Variants in SGCD observed in about 807,000 individuals in gnomAD.
The protein encoded by SGCD is sarcoglycan delta.
Under a neutral mutation model 36.6 loss-of-function variants are expected in SGCD, and 18 were observed. The observed-to-expected ratio is 0.49, with a 90% CI of 0.34 to 0.73. SGCD has a LOEUF of 0.73. SGCD is among the 30% of genes least tolerant of loss of function. The probability of loss-of-function intolerance (pLI) is 0.01; values close to 1 mark genes in which losing one functional copy is unlikely to be tolerated. For missense variants in SGCD, 387 were observed against 346.7 expected (o/e 1.12, Z -0.92); for synonymous variants, 133 against 130.6 (o/e 1.02, Z -0.12).
At chr5:156,015,202 G>T (rs192572081) in intron 1 of SGCD, among the ~76,000 whole-genome samples, 1 of 152,028 alleles carries the variant, frequency 6.6e-6, no homozygotes, top group African/African-American at 2.4e-5. Context: ...TAAGGAAAAG[G>T]CCTCCCTTTC....
chr5:156,434,094 A>G (rs554044800), intron 3 of SGCD, among the ~76,000 whole-genome samples: 4 of 152,346 alleles, frequency 2.6e-5, no homozygotes, highest in African/African-American at 9.6e-5. Flanking sequence ...CCTGCAGCTG[A>G]GGATACCATC....
the SGCD span, among the ~76,000 whole-genome samples, chr5:155,783,831 G>A: frequency 2.6e-5 from 4 of 152,102 alleles, no homozygotes; most frequent in Non-Finnish European, 5.9e-5. Context: ...CACGATATGT[G>A]GTAGTAACAA....
chr5:156,671,763 G>T (rs1332180587), intron 7 of SGCD, among the ~76,000 whole-genome samples: 1 of 152,140 alleles, frequency 6.6e-6, no homozygotes, highest in Non-Finnish European at 1.5e-5. Context: ...AGAAAAGAGG[G>T]TCATTTGGCT....
intron 1 of SGCD, among the ~76,000 whole-genome samples, chr5:156,040,080 T>C (rs922548756): frequency 2.0e-5 from 3 of 152,186 alleles, no homozygotes; most frequent in Admixed American, 6.5e-5. Flanking sequence ...GCTTCTGACA[T>C]AGGTTTATAC....
chr5:156,308,289 G>C (rs1767286892), intron 3 of SGCD, among the ~76,000 whole-genome samples: 1 of 140,020 alleles, frequency 7.1e-6, no homozygotes, highest in South Asian at 2.4e-4. Flanking sequence ...AGCAAAGGGG[G>C]AAGTGCCATA....
chr5:156,488,140 A>C (rs1445385147), intron 3 of SGCD, among the ~76,000 whole-genome samples: 1 of 143,456 alleles, frequency 7.0e-6, no homozygotes, highest in Non-Finnish European at 1.5e-5. Flanking sequence ...ACCCAGTTAG[A>C]CAAAAAATAA....
chr5:156,077,310 T>G (rs1227173097), intron 1 of SGCD, among the ~76,000 whole-genome samples: 1 of 152,148 alleles, frequency 6.6e-6, no homozygotes, highest in Admixed American at 6.5e-5. Context: ...CAGAGTATAA[T>G]CATTTACCCA....
intron 3 of SGCD, among the ~76,000 whole-genome samples, chr5:156,145,885 T>C (rs1762697766): frequency 6.6e-6 from 1 of 152,114 alleles, no homozygotes; most frequent in Non-Finnish European, 1.5e-5. Flanking sequence ...TAACAAAATG[T>C]GCCATAACTT....
intron 3 of SGCD, among the ~76,000 whole-genome samples, chr5:156,492,777 T>C (rs1191199519): frequency 1.3e-5 from 2 of 152,254 alleles, no homozygotes; most frequent in Admixed American, 6.5e-5. Context: ...TGTGTTCTCA[T>C]TGTTCAACTC....
chr5:155,942,977 TG>T (rs1757361154), intron 1 of SGCD, among the ~76,000 whole-genome samples: 1 of 152,228 alleles, frequency 6.6e-6, no homozygotes, highest in Non-Finnish European at 1.5e-5. Flanking sequence ...CTTTTGTTAG[TG>T]TGTTTTCCAC....
At chr5:156,590,767 C>T (rs747891982) in intron 5 of SGCD, among the ~76,000 whole-genome samples, 5 of 151,502 alleles carry the variant, frequency 3.3e-5, no homozygotes, top group Admixed American at 1.3e-4. Flanking sequence ...CTTCCTCTCC[C>T]TTCTCTCCCT....
chr5:156,439,101 G>A (rs1305226903), intron 3 of SGCD, among the ~76,000 whole-genome samples: 2 of 152,112 alleles, frequency 1.3e-5, no homozygotes, highest in Admixed American at 6.6e-5. Flanking sequence ...ATAAGTAATA[G>A]CAGCTAACCT....
chr5:155,914,079 T>A (rs1176632134), intron 1 of SGCD, among the ~76,000 whole-genome samples: 3 of 152,190 alleles, frequency 2.0e-5, no homozygotes, highest in Non-Finnish European at 4.4e-5. Flanking sequence ...TCCAAGGACA[T>A]AAGCAACTTG....
chr5:156,742,806 C>T (rs551346188), intron 7 of SGCD, among the ~76,000 whole-genome samples: 31 of 152,242 alleles, frequency 2.0e-4, no homozygotes, highest in Non-Finnish European at 3.7e-4. Flanking sequence ...AGTAGGCAGG[C>T]AGGCAGGCAA....
rs145412197 is a variant in SGCD, at chr5:156,749,706, GA to G, written c.576-7866del. ...ACAAATTTAACCTTTATATGAAATG[GA>G]AAAAAAAAGCTAACTTACAAAAAAA... On this transcript the variant is annotated intron_variant, in intron 7 of 8. Transcript: ENST00000337851. Among the ~76,000 whole-genome samples, 27 of 149,408 alleles carry G rather than the reference GA, an allele frequency of 1.8e-4. 1 individual carries two copies. Among genetic ancestry groups the G allele is most frequent in the Admixed American group, 1.8e-3 (27 of 14,988 alleles).
intron 3 of SGCD, among the ~76,000 whole-genome samples, chr5:156,487,406 C>T (rs775658095): frequency 1.2e-4 from 19 of 152,136 alleles, no homozygotes; most frequent in Non-Finnish European, 2.6e-4. Context: ...CACTGTTACA[C>T]CAGATGTGCA....
intron 3 of SGCD, among the ~76,000 whole-genome samples, chr5:156,210,472 G>C (rs1455217302): frequency 6.6e-6 from 1 of 152,004 alleles, no homozygotes; most frequent in Admixed American, 6.6e-5. Context: ...CTAAGAAATA[G>C]AGACATATGA....
rs142591083 is a variant in SGCD, at chr5:156,258,449, G to T, written c.-43-71085G>T. On this transcript the variant is annotated intron_variant, in intron 3 of 9. Transcript: ENST00000517913. ...GTAATTGAGTAAATAAAAGTTCATT[G>T]ATATGATTTGATTCCATATTGCAGC... is the stretch of plus-strand genomic sequence containing the variant. 6.0e-3 allele frequency among the ~76,000 whole-genome samples: 921 copies of T among 152,236 alleles called. 3 individuals carry two copies. Among genetic ancestry groups the T allele is most frequent in the Admixed American group, 0.011 (171 of 15,292 alleles).
intron 1 of SGCD, among the ~76,000 whole-genome samples, chr5:155,953,476 A>G (rs546311228): frequency 6.6e-6 from 1 of 152,284 alleles, no homozygotes; most frequent in Non-Finnish European, 1.5e-5. Flanking sequence ...AAAGCCTGGA[A>G]AAGTTTGGGC....
Sources: gnomAD v4.1 joint callset for allele counts (sites outside exome capture counted in the v4.1 genomes callset) on GRCh38, gnomAD v4.1.1 for gene constraint, MANE v1.5 for transcripts, NCBI Gene and HGNC (gene_info 2026-07-23, HGNC 2026-07-21) for gene names.